PTK2: variants seen among roughly 807,000 people sequenced by gnomAD.
PTK2 encodes focal adhesion kinase 1.
Under a neutral mutation model 150.1 loss-of-function variants are expected in PTK2, and 45 were observed. The observed-to-expected ratio is 0.30, with a 90% confidence interval of 0.24 to 0.38. The LOEUF (loss-of-function observed/expected upper bound fraction) is 0.38. PTK2 is among the 10% of genes least tolerant of loss of function. PTK2 has a pLI of 1.00. For synonymous variants in PTK2, 432 were observed against 449.2 expected, an observed-to-expected ratio of 0.96 and a Z score of 0.48; for missense variants, 919 against 1,307.3, an observed-to-expected ratio of 0.70 and a Z score of 4.58.
Position 140,879,470 on chromosome 8 carries a change from C to T in PTK2, c.362+1G>A. The T allele has an allele frequency of 6.2e-7, 1 of 1,600,972 alleles. No homozygotes were observed. On this transcript the variant is annotated splice_donor_variant, in intron 4 of 31. Coordinates refer to ENST00000522684, the Ensembl canonical transcript of PTK2. LOFTEE classifies it high-confidence loss of function. ...CACACCAAAGCAGGTTTGTATCTTA[C>T]TTCCACTCCTCTGGTGGGTGAGCAA...
intron 1 of PTK2, among the ~76,000 whole-genome samples, chr8:140,969,462 C>T (rs1314313463): frequency 6.6e-6 from 1 of 152,204 alleles, no homozygotes; most frequent in Non-Finnish European, 1.5e-5. Context: ...TCCAAGATTA[C>T]CAATGACCTC....
chr8:140,870,874 G>C (rs2100142095), intron 4 of PTK2, among the ~76,000 whole-genome samples: 1 of 152,098 alleles, frequency 6.6e-6, no homozygotes, highest in Non-Finnish European at 1.5e-5. Flanking sequence ...TTTTAGAGCA[G>C]TAGTTCTGAA....
At chr8:140,832,750 G>A (rs559715973) in intron 7 of PTK2, 37 of 498,536 alleles carry the variant, frequency 7.4e-5, no homozygotes, top group Admixed American at 3.3e-4. Context: ...GCTACGCACC[G>A]AGAACAGAAA....
intron 22 of PTK2, among the ~76,000 whole-genome samples, chr8:140,730,562 A>G (rs72681718): frequency 0.13 from 19,430 of 152,128 alleles, 2,040 homozygotes; most frequent in East Asian, 0.5. Context: ...TAGTATTTTC[A>G]TTTTGGTTGC....
chr8:140,892,610 T>C, intron 2 of PTK2: 1 of 459,770 alleles, frequency 2.2e-6, no homozygotes, highest in Non-Finnish European at 4.3e-6. Flanking sequence ...TAATACCTTT[T>C]TCATCCAAAT....
At chr8:140,688,673 T>C (rs1464499600) in intron 26 of PTK2, among the ~76,000 whole-genome samples, 1 of 152,174 alleles carries the variant, frequency 6.6e-6, no homozygotes, top group Non-Finnish European at 1.5e-5. Flanking sequence ...TGAGCTACCA[T>C]TGTACCACTG....
At chr8:140,983,032 A>T (rs1569539128) in intron 1 of PTK2, among the ~76,000 whole-genome samples, 1 of 152,160 alleles carries the variant, frequency 6.6e-6, no homozygotes, top group South Asian at 2.1e-4. Flanking sequence ...CCTTAGTACA[A>T]AATATAGTTT....
At chr8:140,937,248 A>C (rs1569218461) in intron 1 of PTK2, among the ~76,000 whole-genome samples, 1 of 152,112 alleles carries the variant, frequency 6.6e-6, no homozygotes, top group Non-Finnish European at 1.5e-5. Flanking sequence ...AAGAATTTAA[A>C]TTTTCTTTTT....
intron 1 of PTK2, among the ~76,000 whole-genome samples, chr8:140,959,976 A>T (rs2100182548): frequency 6.6e-6 from 1 of 151,724 alleles, no homozygotes; most frequent in Non-Finnish European, 1.5e-5. Context: ...TGGTCACACC[A>T]CTGCACTCCA....
chr8:140,722,213 T>A (rs568071331), intron 22 of PTK2, among the ~76,000 whole-genome samples: 2 of 152,196 alleles, frequency 1.3e-5, no homozygotes, highest in African/African-American at 4.8e-5. Context: ...GCTCAAGTGA[T>A]CCCCCTGCCC....
intron 1 of PTK2, among the ~76,000 whole-genome samples, chr8:140,933,596 T>C (rs2100172664): frequency 6.6e-6 from 1 of 152,348 alleles, no homozygotes; most frequent in East Asian, 1.9e-4. Context: ...TGATACATGC[T>C]ACAACATGGA....
chr8:140,765,707 A>G (rs2100071899), intron 14 of PTK2, among the ~76,000 whole-genome samples: 1 of 152,182 alleles, frequency 6.6e-6, no homozygotes, highest in Non-Finnish European at 1.5e-5. Context: ...GCAAATACTA[A>G]GAACAGTAAA....
chr8:140,739,447 T>A (rs766152182), intron 20 of PTK2, among the ~76,000 whole-genome samples: 35 of 152,196 alleles, frequency 2.3e-4, no homozygotes, highest in Non-Finnish European at 4.3e-4. Context: ...GAAGAGATCC[T>A]TATCTGTAGG....
At chr8:140,803,290 G>C (rs899301676) in intron 11 of PTK2, among the ~76,000 whole-genome samples, 4 of 152,098 alleles carry the variant, frequency 2.6e-5, no homozygotes, top group African/African-American at 9.6e-5. Context: ...GGGCCACCGC[G>C]CCTGGCCTGA....
At chr8:140,735,567 G>A in intron 21 of PTK2, 112 bp from the exon 25 acceptor site, 2 of 911,296 alleles carry the variant, frequency 2.2e-6, no homozygotes, top group Non-Finnish European at 1.8e-6. Context: ...GAGGTAATGG[G>A]CAAATTATCT....
Position 140,828,390 on chromosome 8 carries a change from T to C in PTK2, c.648+2082A>G, listed in dbSNP as rs532387965. On this transcript the variant is annotated intron_variant, in intron 8 of 31. Coordinates refer to ENST00000522684, the Ensembl canonical transcript of PTK2. ...TCTCACTCTGGCTACACTCACACCATGGCACCTGTGACCTGTACCTGTGGT... is the reference window on the plus strand; with the variant it reads ...TCTCACTCTGGCTACACTCACACCACGGCACCTGTGACCTGTACCTGTGGT... Among the ~76,000 whole-genome samples, 8 of 152,308 alleles carry C rather than the reference T, an allele frequency of 5.3e-5. No homozygotes were observed. The East Asian group carries it at 1.2e-3, about 22-fold the overall frequency.
intron 14 of PTK2, among the ~76,000 whole-genome samples, chr8:140,788,669 G>C (rs2100086423): frequency 6.6e-6 from 1 of 152,172 alleles, no homozygotes; most frequent in Non-Finnish European, 1.5e-5. Flanking sequence ...GGGCGACAGA[G>C]TGAGACTCTG....
At chr8:140,671,343 C>T (rs1417328402) in intron 29 of PTK2, among the ~76,000 whole-genome samples, 1 of 151,966 alleles carries the variant, frequency 6.6e-6, no homozygotes, top group African/African-American at 2.4e-5. Flanking sequence ...TGCCTCAGCC[C>T]CCTGAGCAGC....
intron 15 of PTK2, among the ~76,000 whole-genome samples, chr8:140,761,673 A>G (rs2100069504): frequency 6.6e-6 from 1 of 152,166 alleles, no homozygotes; most frequent in South Asian, 2.1e-4. Context: ...TATTTTACAA[A>G]TAACTACAGT....
Sources: gnomAD v4.1 joint callset for allele counts (sites outside exome capture counted in the v4.1 genomes callset) on GRCh38, gnomAD v4.1.1 for gene constraint, MANE v1.5 for transcripts, NCBI Gene and HGNC (gene_info 2026-07-23, HGNC 2026-07-21) for gene names.